Variants in C18orf63 observed in about 807,000 individuals in gnomAD.
The protein encoded by C18orf63 is uncharacterized protein C18orf63.
Under a neutral mutation model 75.3 loss-of-function variants are expected in C18orf63, and 50 were observed. The ratio of observed to expected loss-of-function variants is 0.66; its 90% CI spans 0.53 to 0.84. The LOEUF (loss-of-function observed/expected upper bound fraction) is 0.84. Among genes scored for constraint, C18orf63 ranks in the 40% least tolerant of loss-of-function variants. The probability of loss-of-function intolerance (pLI) is 0.00; values close to 1 mark genes in which losing one functional copy is unlikely to be tolerated. For missense variants in C18orf63, 732 were observed against 800.2 expected (o/e 0.91, Z 1.03); for synonymous variants, 232 against 267.6 (o/e 0.87, Z 1.30).
chr18:74,318,818 G>C (rs1984071891), intron 2 of C18orf63, among the ~76,000 whole-genome samples: 1 of 151,328 alleles, frequency 6.6e-6, no homozygotes, highest in African/African-American at 2.4e-5. Context: ...AAGAAAAGCA[G>C]CTTAGAGGAA....
intron 7 of C18orf63, among the ~76,000 whole-genome samples, chr18:74,338,090 G>A (rs112369255): frequency 1.3e-5 from 2 of 152,012 alleles, no homozygotes; most frequent in African/African-American, 2.4e-5. Flanking sequence ...CCTCCTTGAG[G>A]TCTCTTTATA....
At chr18:74,348,451 G>T (rs901672666) in intron 11 of C18orf63, among the ~76,000 whole-genome samples, 2 of 152,156 alleles carry the variant, frequency 1.3e-5, no homozygotes, top group African/African-American at 4.8e-5. Flanking sequence ...AAACACTTTT[G>T]ATTAGTCATC....
intron 11 of C18orf63, among the ~76,000 whole-genome samples, chr18:74,348,333 C>CT (rs1984607154): frequency 6.6e-6 from 1 of 152,084 alleles, no homozygotes; most frequent in Non-Finnish European, 1.5e-5. Flanking sequence ...CCCATATGTC[C>CT]TATAAACCTG....
chr18:74,331,166 T>G (rs4891550), intron 7 of C18orf63, among the ~76,000 whole-genome samples: 18,477 of 152,130 alleles, frequency 0.12, 1,480 homozygotes, highest in Admixed American at 0.18. Context: ...GTCTTCATAT[T>G]ATTCCTTTGT....
chr18:74,326,525 A>G (rs1467256058), intron 4 of C18orf63, among the ~76,000 whole-genome samples: 1 of 152,158 alleles, frequency 6.6e-6, no homozygotes, highest in Non-Finnish European at 1.5e-5. Context: ...CATACTTCGC[A>G]CTGAAAACTC....
chr18:74,329,005 T>C lies in C18orf63; in HGVS notation c.393T>C (p.Phe131=). ...TGHLLIQGRD[F]LSQMGKQSAV... is the part of the protein sequence containing the mutation. ...TATGAATTTTTTAAGGAAGAGATTT[T>C]CTTTCTCAGATGGGAAAACAAAGTG... is the stretch of plus-strand genomic sequence containing the variant. Residue 131 remains phenylalanine, a synonymous_variant, in exon 6 of 14, where the codon TTT becomes TTC. Coordinates refer to ENST00000579455, the MANE Select transcript of C18orf63 (RefSeq NM_001174123.2). 6.7e-7 allele frequency: 1 copy of C among 1,500,790 alleles called. No individual in the cohort carries two copies. The highest frequency in any genetic ancestry group is 9.0e-7 in the Non-Finnish European group (1 of 1,114,924). The allele number at this position is 1,500,790 out of a possible 1,614,324, so 93.0% of individuals were successfully genotyped here. A position where few individuals can be genotyped will look rare whatever the true frequency, so the allele number is the denominator to read the frequency against.
chr18:74,342,159 A>C, intron 9 of C18orf63, 31 bp downstream of exon 9: 1 of 1,416,672 alleles, frequency 7.1e-7, no homozygotes, highest in Non-Finnish European at 9.6e-7. Flanking sequence ...TTACATTAGA[A>C]GTTATTTGAT....
At chr18:74,355,182 C>T (rs1322089330) in intron 13 of C18orf63, among the ~76,000 whole-genome samples, 1 of 152,200 alleles carries the variant, frequency 6.6e-6, no homozygotes, top group Admixed American at 6.5e-5. Context: ...TAAGAACCAA[C>T]TAGAAAACAT....
chr18:74,316,640 T>A (rs1204659587), intron 1 of C18orf63, among the ~76,000 whole-genome samples: 2 of 152,066 alleles, frequency 1.3e-5, no homozygotes, highest in African/African-American at 4.8e-5. Context: ...CTGCTGGGGA[T>A]TGGGAATAAA....
chr18:74,321,828 TA>T (rs199946728), intron 3 of C18orf63, among the ~76,000 whole-genome samples: 4,465 of 143,884 alleles, frequency 0.031, 126 homozygotes, highest in East Asian at 0.18. Context: ...AGGTATTCTG[TA>T]AAAAAAAAAA....
chr18:74,339,771 A>C (rs554387860), intron 8 of C18orf63, among the ~76,000 whole-genome samples: 2 of 152,336 alleles, frequency 1.3e-5, no homozygotes, highest in South Asian at 4.1e-4. Flanking sequence ...AAACTGTTAG[A>C]ACTAATAAAC....
rs1250744640 is a variant in C18orf63 at position 74,316,003 on chromosome 18, T to A, written c.-139T>A. ...GAGGCAGAGCGGAAGCGAGGGAGAC[T>A]GCTGGAGGCCCTGCCGCCCACCCGC... On this transcript the variant is annotated 5_prime_UTR_variant, in exon 1 of 14. Transcript: ENST00000579455. The A allele has an allele frequency of 1.3e-5, 2 of 152,400 alleles. No homozygotes were observed. The highest frequency in any genetic ancestry group is 4.8e-5 in the African/African-American group (2 of 41,428). The allele number at this position is 152,400 out of a possible 1,614,324, so 9.4% of individuals were successfully genotyped here. A position where few individuals can be genotyped will look rare whatever the true frequency, so the allele number is the denominator to read the frequency against.
intron 11 of C18orf63, among the ~76,000 whole-genome samples, chr18:74,350,170 A>G (rs1226557827): frequency 2.0e-5 from 3 of 152,132 alleles, no homozygotes. Context: ...CAGAGATAGT[A>G]TATGAGGTTT....
At chr18:74,320,823 A>G (rs1984108407) in intron 3 of C18orf63, among the ~76,000 whole-genome samples, 1 of 152,216 alleles carries the variant, frequency 6.6e-6, no homozygotes, top group South Asian at 2.1e-4. Context: ...AAATGCTAAG[A>G]TAAAGACTGT....
At position 74,328,097 on chromosome 18, in the gene C18orf63, A is replaced by T. The variant is rs202041783; in HGVS notation, c.382+39A>T. The T allele has an allele frequency of 1.2e-3, 1,459 of 1,167,220 alleles. 3 individuals carry two copies. The highest frequency in any genetic ancestry group is 1.5e-3 in the Non-Finnish European group (1,212 of 810,476). 72.3% of individuals were successfully genotyped at this position (1,167,220 alleles called of 1,614,324 possible). Reference sequence around the variant, plus strand: ...TTTAGTCATTGGGGCTTTCTGAACTAGATTACGTCTGTTATGTGTGTATTA... The same window carrying T: ...TTTAGTCATTGGGGCTTTCTGAACTTGATTACGTCTGTTATGTGTGTATTA... On this transcript the variant is annotated intron_variant, in intron 5 of 13. Transcript: ENST00000579455.
rs146299301 is a variant in C18orf63 at position 74,318,229 on chromosome 18, C to A, written c.134+230C>A. On this transcript the variant is annotated intron_variant, in intron 2 of 13. Transcript: ENST00000579455. ...CACTGTTGAGTTTTTATATCTGTGA[C>A]CTCTTATGTGCTTTTTAAAAGTTTA... Among the ~76,000 whole-genome samples, 670 of 152,206 alleles carry A rather than the reference C, an allele frequency of 4.4e-3. 2 individuals carry two copies. The South Asian group carries it at 0.047, about 11-fold the overall frequency.
At chr18:74,322,021 A>G (rs1037915450) in intron 3 of C18orf63, among the ~76,000 whole-genome samples, 9 of 152,236 alleles carry the variant, frequency 5.9e-5, no homozygotes, top group Non-Finnish European at 1.3e-4. Context: ...AATACTTTCC[A>G]GTGCACATCT....
At chr18:74,342,431 AACTGAAACTATGGT>A in intron 10 of C18orf63, 105 bp downstream of exon 10, 1 of 675,504 alleles carries the variant, frequency 1.5e-6, no homozygotes, top group Non-Finnish European at 2.5e-6. Flanking sequence ...CTCTGTGTCT[AACTGAAACTATGGT>A]ACATTTCCTC....
At chr18:74,328,970 T>C in intron 5 of C18orf63, 25 bp from the exon 6 acceptor site, 1 of 1,312,616 alleles carries the variant, frequency 7.6e-7, no homozygotes, top group East Asian at 2.5e-5. Flanking sequence ...TGTAATAACA[T>C]GGCATATTCT....
Sources: allele counts gnomAD v4.1 joint callset (sites outside exome capture counted in the v4.1 genomes callset), GRCh38; gene constraint gnomAD v4.1.1; transcripts MANE v1.5; gene names NCBI Gene and HGNC (gene_info 2026-07-23, HGNC 2026-07-21).